Variants in GOLPH3L observed in about 807,000 individuals in gnomAD.
The protein encoded by GOLPH3L is Golgi phosphoprotein 3-like.
GOLPH3L carries 22 observed loss-of-function variants against 30.3 expected under a neutral mutation model. The observed-to-expected ratio is 0.73, with a 90% CI of 0.52 to 1.04. The LOEUF is 1.04. GOLPH3L is among the 50% of genes least tolerant of loss of function. The pLI is 0.00. For missense variants in GOLPH3L, 303 were observed against 345.8 expected, an observed-to-expected ratio of 0.88 and a Z score of 0.98; for synonymous variants, 120 against 128.2, an observed-to-expected ratio of 0.94 and a Z score of 0.43.
intron 2 of GOLPH3L, among the ~76,000 whole-genome samples, chr1:150,686,588 T>C (rs910068124): frequency 1.3e-5 from 2 of 152,218 alleles, no homozygotes; most frequent in African/African-American, 4.8e-5. Context: ...GAATGATACC[T>C]GCCTTGCAGG....
chr1:150,695,762 A>C (rs1651338175), intron 1 of GOLPH3L, among the ~76,000 whole-genome samples: 1 of 152,228 alleles, frequency 6.6e-6, no homozygotes, highest in Non-Finnish European at 1.5e-5. Context: ...GATAACATTC[A>C]GAAAATCATG....
chr1:150,675,970 CCCTT>C (rs1206564458), intron 2 of GOLPH3L, among the ~76,000 whole-genome samples: 11 of 147,776 alleles, frequency 7.4e-5, no homozygotes, highest in African/African-American at 1.7e-4. Flanking sequence ...CTCCCTCCCT[CCCTT>C]CCTTTTTTTT....
intron 4 of GOLPH3L, among the ~76,000 whole-genome samples, chr1:150,649,756 T>TA (rs1336643049): frequency 1.3e-5 from 2 of 152,078 alleles, no homozygotes; most frequent in African/African-American, 4.8e-5. Flanking sequence ...CACCAAGGGC[T>TA]AAAGCACAAC....
intron 2 of GOLPH3L, among the ~76,000 whole-genome samples, chr1:150,676,927 G>A (rs187206992): frequency 2.4e-3 from 369 of 151,968 alleles, no homozygotes; most frequent in Non-Finnish European, 3.5e-3. Flanking sequence ...TTACAGGCGT[G>A]AGCCACCGTG....
intron 2 of GOLPH3L, among the ~76,000 whole-genome samples, chr1:150,669,263 G>A (rs937821968): frequency 5.1e-4 from 77 of 152,280 alleles, no homozygotes; most frequent in African/African-American, 1.8e-3. Context: ...CCCCTGTACT[G>A]TGGGTACATA....
intron 2 of GOLPH3L, among the ~76,000 whole-genome samples, chr1:150,693,230 GA>G (rs1179916453): frequency 4.6e-5 from 7 of 151,586 alleles, no homozygotes; most frequent in Admixed American, 1.3e-4. Context: ...AATTTAACAA[GA>G]AAAAAAGTAA....
intron 2 of GOLPH3L, among the ~76,000 whole-genome samples, chr1:150,680,454 T>C (rs1650924158): frequency 6.6e-6 from 1 of 152,178 alleles, no homozygotes; most frequent in African/African-American, 2.4e-5. Context: ...GTATTTACTT[T>C]TTTTTCATCC....
chr1:150,688,901 C>T lies in GOLPH3L; in HGVS notation c.183+5755G>A, dbSNP rs142319207. Among the ~76,000 whole-genome samples the T allele has an allele frequency of 4.9e-3, 747 of 152,278 alleles. 6 individuals carry two copies. Among genetic ancestry groups the T allele is most frequent in the Non-Finnish European group, 6.7e-3 (453 of 68,032 alleles). On this transcript the variant is annotated intron_variant, in intron 2 of 4. Transcript: ENST00000271732. ...TTCCTACTCAGAACACACTTATACA[C>T]ATATCACATTGTTCTGAAATGGTCT...
intron 2 of GOLPH3L, among the ~76,000 whole-genome samples, chr1:150,672,380 G>A (rs1650667174): frequency 6.6e-6 from 1 of 152,004 alleles, no homozygotes; most frequent in Non-Finnish European, 1.5e-5. Context: ...GTGATTCATC[G>A]AAACTCCAAT....
intron 2 of GOLPH3L, among the ~76,000 whole-genome samples, chr1:150,681,190 C>T (rs945837302): frequency 6.6e-6 from 1 of 152,002 alleles, no homozygotes; most frequent in African/African-American, 2.4e-5. Flanking sequence ...TACAATAGCA[C>T]TATTAAGTCA....
intron 2 of GOLPH3L, among the ~76,000 whole-genome samples, chr1:150,665,650 C>G (rs1397041165): frequency 6.6e-6 from 1 of 151,992 alleles, no homozygotes. Context: ...TTTAACCACT[C>G]TTTTAGTTGT....
At chr1:150,673,811 G>C (rs1650699663) in intron 2 of GOLPH3L, among the ~76,000 whole-genome samples, 1 of 150,768 alleles carries the variant, frequency 6.6e-6, no homozygotes, top group African/African-American at 2.4e-5. Context: ...GTGGGTCCCA[G>C]CTACTTGGGA....
At chr1:150,678,223 C>T (rs769511580) in intron 2 of GOLPH3L, among the ~76,000 whole-genome samples, 1 of 127,780 alleles carries the variant, frequency 7.8e-6, no homozygotes, top group East Asian at 2.4e-4. Context: ...CACTTGAACC[C>T]GGGAGGCGGA....
chr1:150,648,301 G>A lies in GOLPH3L; in HGVS notation c.*20C>T. The A allele has an allele frequency of 3.2e-6, 5 of 1,547,564 alleles. No individual in the cohort carries two copies. The highest frequency in any genetic ancestry group is 4.4e-6 in the Non-Finnish European group (5 of 1,137,074). On this transcript the variant is annotated 3_prime_UTR_variant, in exon 5 of 5. Transcript: ENST00000271732. The stretch of plus-strand genomic sequence containing the variant: ...CAGTCACCAGCCAGCAGGGGAAAAG[G>A]AGAAATCCACCTGCCGGCTTTAAGA...
At chr1:150,682,201 C>T (rs587742005) in intron 2 of GOLPH3L, among the ~76,000 whole-genome samples, 2 of 152,124 alleles carry the variant, frequency 1.3e-5, no homozygotes, top group South Asian at 2.1e-4. Context: ...TTCTTTACAC[C>T]TTTAAAAAAA....
At chr1:150,653,242 T>G (rs2101777859) in intron 4 of GOLPH3L, among the ~76,000 whole-genome samples, 1 of 144,156 alleles carries the variant, frequency 6.9e-6, no homozygotes, top group Non-Finnish European at 1.5e-5. Flanking sequence ...GGGAATAGAG[T>G]TATATAGAAG....
intron 1 of GOLPH3L, among the ~76,000 whole-genome samples, chr1:150,695,604 G>A (rs1295262799): frequency 6.6e-6 from 1 of 151,884 alleles, no homozygotes; most frequent in African/African-American, 2.4e-5. Context: ...TTCTATAAAC[G>A]TTCCATGGTA....
Position 150,648,394 on chromosome 1 carries a change from G to C in GOLPH3L, c.785C>G (p.Pro262Arg). Residue 262 changes from proline to arginine, a missense_variant, in exon 5 of 5, where the codon CCT (proline) becomes CGT (arginine). By Grantham distance (103) the Pro-to-Arg change is moderately radical. Coordinates refer to ENST00000271732, the MANE Select transcript of GOLPH3L (RefSeq NM_018178.6). ...NRAKDLVELD[P>R]EVEGTKPSAT... ...ACTAGGCTTTGTCCCTTCCACTTCA[G>C]GGTCCAGTTCTACTAAGTCCTTGGC... 1 of 1,613,842 alleles carries C rather than the reference G, an allele frequency of 6.2e-7. No individual in the cohort carries two copies. Among genetic ancestry groups the C allele is most frequent in the Non-Finnish European group, 8.5e-7 (1 of 1,179,758 alleles).
At chr1:150,650,124 C>T (rs1274058367) in intron 4 of GOLPH3L, among the ~76,000 whole-genome samples, 1 of 151,984 alleles carries the variant, frequency 6.6e-6, no homozygotes, top group Admixed American at 6.6e-5. Flanking sequence ...GAATGTGGGG[C>T]AAAATGTAAA....
Sources: gnomAD v4.1 joint callset for allele counts (sites outside exome capture counted in the v4.1 genomes callset) on GRCh38, gnomAD v4.1.1 for gene constraint, MANE v1.5 for transcripts, NCBI Gene and HGNC (gene_info 2026-07-23, HGNC 2026-07-21) for gene names.